Variants in PDE3A observed in about 807,000 individuals in gnomAD.
PDE3A encodes the protein phosphodiesterase 3A, also known as cGMP-inhibited 3',5'-cyclic phosphodiesterase 3A.
A neutral mutation model predicts 98.3 loss-of-function variants in PDE3A; 43 were observed. The observed-to-expected ratio is 0.44, with a 90% CI of 0.34 to 0.56. The LOEUF (loss-of-function observed/expected upper bound fraction) is 0.56. Among genes scored for constraint, PDE3A ranks in the 20% least tolerant of loss-of-function variants. The pLI, the probability that PDE3A is intolerant of heterozygous loss-of-function variation, is 0.01. For synonymous variants in PDE3A, 663 were observed against 567.9 expected (o/e 1.17, Z -2.38); for missense variants, 1,427 against 1,440.7 (o/e 0.99, Z 0.15).
chr12:20,551,081 T>A lies in PDE3A; in HGVS notation c.961-5579T>A, dbSNP rs557075702. ...ATATATATGCTTAGTTTACTCCCTG[T>A]TTTCCAAATATTCAACATTATTAAT... On this transcript the variant is annotated intron_variant, in intron 1 of 15. Transcript: ENST00000359062. 8.6e-5 allele frequency among the ~76,000 whole-genome samples: 13 copies of A among 151,600 alleles called. No homozygotes were observed. The South Asian group carries it at 2.7e-3, about 31-fold the overall frequency.
At chr12:20,380,605 G>T (rs1051331410) in intron 1 of PDE3A, among the ~76,000 whole-genome samples, 39 of 151,900 alleles carry the variant, frequency 2.6e-4, no homozygotes, top group African/African-American at 9.2e-4. Context: ...AGATGATCAT[G>T]ACATTAGATG....
At chr12:20,427,487 T>C (rs949492140) in intron 1 of PDE3A, among the ~76,000 whole-genome samples, 3 of 152,206 alleles carry the variant, frequency 2.0e-5, no homozygotes, top group Admixed American at 1.3e-4. Context: ...AAATAAGCTG[T>C]ACTTATGGTT....
chr12:20,384,924 T>C (rs953730757), intron 1 of PDE3A, among the ~76,000 whole-genome samples: 2 of 152,132 alleles, frequency 1.3e-5, no homozygotes, highest in East Asian at 3.9e-4. Context: ...CTTTATCTAG[T>C]CTATCGTTGA....
chr12:20,604,035 G>A (rs1943655596), intron 2 of PDE3A, among the ~76,000 whole-genome samples: 1 of 152,108 alleles, frequency 6.6e-6, no homozygotes, highest in South Asian at 2.1e-4. Context: ...TGGGCATGGT[G>A]GCGCATGCCT....
chr12:20,489,437 T>G (rs1436601087), intron 1 of PDE3A, among the ~76,000 whole-genome samples: 1 of 152,174 alleles, frequency 6.6e-6, no homozygotes, highest in Admixed American at 6.5e-5. Context: ...CCATTTTGAT[T>G]TAAAAAACAT....
rs568390923 is a variant in PDE3A, at chr12:20,510,424, G to A, written c.961-46236G>A. ...AAGCCAGATAGTACAGTAGAGAAAT[G>A]GATGGCAGTTCAAAATTCTGGAATA... On this transcript the variant is annotated intron_variant, in intron 1 of 15. Coordinates refer to ENST00000359062, the MANE Select transcript of PDE3A (RefSeq NM_000921.5). Among the ~76,000 whole-genome samples the A allele has an allele frequency of 2.6e-5, 4 of 152,078 alleles. No homozygotes were observed. In the East Asian group the frequency reaches 7.7e-4, roughly 29 times the overall value.
Position 20,538,372 on chromosome 12 carries a change from A to T in PDE3A, c.961-18288A>T, listed in dbSNP as rs1401518286. Among the ~76,000 whole-genome samples, 3 of 152,248 alleles carry T rather than the reference A, an allele frequency of 2.0e-5. No individual in the cohort carries two copies. In the East Asian group the frequency reaches 5.8e-4, roughly 29 times the overall value. Reference sequence around the variant, plus strand: ...GGACAGGGAAAATAGGAAGGCAGAAAGGCAAAAGAGACAAGCTAGCTGAGT... The same window carrying T: ...GGACAGGGAAAATAGGAAGGCAGAATGGCAAAAGAGACAAGCTAGCTGAGT... On this transcript the variant is annotated intron_variant, in intron 1 of 15. Coordinates refer to ENST00000359062, the MANE Select transcript of PDE3A (RefSeq NM_000921.5).
In PDE3A at chr12:20,533,005, C is replaced by G. The variant is rs534547003; in HGVS notation, c.961-23655C>G. On this transcript the variant is annotated intron_variant, in intron 1 of 15. Transcript: ENST00000359062. Reference sequence around the variant, plus strand: ...TCTTTTTATTGAAAGTTTGTCAACACAGTCAACAAGAATATATTAAGCGTC... The same window carrying G: ...TCTTTTTATTGAAAGTTTGTCAACAGAGTCAACAAGAATATATTAAGCGTC... 8.5e-5 allele frequency among the ~76,000 whole-genome samples: 13 copies of G among 152,266 alleles called. No homozygotes were observed. In the East Asian group the frequency reaches 2.3e-3, roughly 27 times the overall value.
intron 2 of PDE3A, among the ~76,000 whole-genome samples, chr12:20,565,336 G>A (rs1942629239): frequency 6.6e-6 from 1 of 151,830 alleles, no homozygotes; most frequent in Admixed American, 6.6e-5. Flanking sequence ...TCTCACGCTG[G>A]GTGATTTTAT....
At chr12:20,494,380 G>C (rs1411150335) in intron 1 of PDE3A, among the ~76,000 whole-genome samples, 1 of 152,156 alleles carries the variant, frequency 6.6e-6, no homozygotes, top group Non-Finnish European at 1.5e-5. Context: ...ATTGATAGCT[G>C]TGTAATCAAA....
At chr12:20,589,319 A>C (rs1385570294) in intron 2 of PDE3A, among the ~76,000 whole-genome samples, 1 of 152,216 alleles carries the variant, frequency 6.6e-6, no homozygotes, top group Non-Finnish European at 1.5e-5. Context: ...AAAAGTGGAA[A>C]GTATTTATAC....
chr12:20,494,488 A>T (rs895642326), intron 1 of PDE3A, among the ~76,000 whole-genome samples: 1 of 152,106 alleles, frequency 6.6e-6, no homozygotes, highest in African/African-American at 2.4e-5. Flanking sequence ...GTGTGTAGGT[A>T]CATTTCTTAA....
chr12:20,668,980 T>A (rs1945396178), intron 15 of PDE3A, among the ~76,000 whole-genome samples: 1 of 149,488 alleles, frequency 6.7e-6, no homozygotes, highest in South Asian at 2.1e-4. Context: ...ATAACTAGAA[T>A]AACCAATACA....
chr12:20,464,583 G>A (rs572930653), intron 1 of PDE3A, among the ~76,000 whole-genome samples: 5 of 152,174 alleles, frequency 3.3e-5, no homozygotes, highest in South Asian at 2.1e-4. Context: ...TGGCTATTAC[G>A]GTAAGATGTT....
chr12:20,521,020 G>A (rs1021329776), intron 1 of PDE3A, among the ~76,000 whole-genome samples: 1 of 152,128 alleles, frequency 6.6e-6, no homozygotes, highest in Non-Finnish European at 1.5e-5. Flanking sequence ...GAATGGCCTC[G>A]GCTTCTCCTG....
At chr12:20,501,578 T>C (rs1010338833) in intron 1 of PDE3A, among the ~76,000 whole-genome samples, 1 of 152,180 alleles carries the variant, frequency 6.6e-6, no homozygotes, top group African/African-American at 2.4e-5. Context: ...TGTGAAATTA[T>C]TCGTAGAGCG....
At chr12:20,427,569 A>C (rs1274789652) in intron 1 of PDE3A, among the ~76,000 whole-genome samples, 4 of 152,164 alleles carry the variant, frequency 2.6e-5, no homozygotes, top group Admixed American at 2.6e-4. Context: ...TATGAATATT[A>C]CCAAGTTTAA....
chr12:20,646,565 C>T lies in PDE3A; in HGVS notation c.2327C>T (p.Ser776Leu). ...YLTTQPIPGLSTVINDHGSTS... is the reference protein window; with the variant it reads ...YLTTQPIPGLLTVINDHGSTS... ...ACTACACAGCCTATTCCAGGCCTCTCAACTGTGATTAATGATCATGGTTCA... is the reference window on the plus strand; with the variant it reads ...ACTACACAGCCTATTCCAGGCCTCTTAACTGTGATTAATGATCATGGTTCA... The change falls in exon 11 of 16, where the codon TCA becomes TTA. Residue 776 changes from serine (S) to leucine (L), a missense_variant. Physicochemically the swap from Ser to Leu is moderately radical, Grantham distance 145. Around this residue, in one of 3 missense-constraint regions of PDE3A, gnomAD observed 273 missense variants for 420.3 expected, o/e 0.65. Coordinates refer to ENST00000359062, the MANE Select transcript of PDE3A (RefSeq NM_000921.5). 1 of 1,607,072 alleles carries T rather than the reference C, an allele frequency of 6.2e-7. No homozygotes were observed. Among genetic ancestry groups the T allele is most frequent in the South Asian group, 1.1e-5 (1 of 90,952 alleles).
rs1945959485 is a variant in PDE3A, at chr12:20,686,299, T to C, written c.*6028T>C. On this transcript the variant is annotated 3_prime_UTR_variant, in exon 16 of 16. Coordinates refer to ENST00000359062, the MANE Select transcript of PDE3A (RefSeq NM_000921.5). ...GACAAAGGAGTGTATTATCCAGCAA[T>C]TTATTGTTTTGTGTTGTTATAAAAT... is the stretch of plus-strand genomic sequence containing the variant. 6.6e-6 allele frequency among the ~76,000 whole-genome samples: 1 copy of C among 152,176 alleles called. No homozygotes were observed. The highest frequency in any genetic ancestry group is 2.4e-5 in the African/African-American group (1 of 41,456).
Sources: allele counts gnomAD v4.1 joint callset (sites outside exome capture counted in the v4.1 genomes callset), GRCh38; gene constraint gnomAD v4.1.1; regional missense constraint gnomAD v4.1.1; transcripts MANE v1.5; gene names NCBI Gene and HGNC (gene_info 2026-07-23, HGNC 2026-07-21).